The following MKLN1 variants were observed in gnomAD, a reference collection of about 807,000 sequenced individuals.
MKLN1 encodes muskelin 1.
Under a neutral mutation model 99.0 loss-of-function variants are expected in MKLN1, and 18 were observed. The observed-to-expected ratio is 0.18, with a 90% CI of 0.13 to 0.27. MKLN1 has a LOEUF of 0.27. Ranked by LOEUF, MKLN1 falls within the 10% of genes least tolerant of loss-of-function variation. The probability of loss-of-function intolerance (pLI) is 1.00; values close to 1 mark genes in which losing one functional copy is unlikely to be tolerated. For missense variants in MKLN1, 621 were observed against 875.9 expected, an observed-to-expected ratio of 0.71 and a Z score of 3.67; for synonymous variants, 288 against 293.2, an observed-to-expected ratio of 0.98 and a Z score of 0.18.
chr7:131,302,079 A>T (rs756750991), intron 3 of MKLN1, among the ~76,000 whole-genome samples: 5 of 152,248 alleles, frequency 3.3e-5, no homozygotes, highest in Non-Finnish European at 5.9e-5. Context: ...TGCTACAGGG[A>T]TAGCGTTCAT....
chr7:131,439,983 T>TA (rs1384583806), intron 10 of MKLN1, among the ~76,000 whole-genome samples: 1 of 151,904 alleles, frequency 6.6e-6, no homozygotes, highest in African/African-American at 2.4e-5. Context: ...CTTGTAAGTT[T>TA]AGCCAGAAAC....
chr7:131,262,131 GA>G (rs1563271000), intron 3 of MKLN1, among the ~76,000 whole-genome samples: 1 of 152,072 alleles, frequency 6.6e-6, no homozygotes, highest in East Asian at 1.9e-4. Context: ...CCTAAAAAAA[GA>G]TTTTTTTTTA....
intron 4 of MKLN1, among the ~76,000 whole-genome samples, chr7:131,397,010 A>G (rs1465816922): frequency 1.3e-5 from 2 of 152,164 alleles, no homozygotes; most frequent in African/African-American, 4.8e-5. Context: ...TTCTGGTGGC[A>G]TTTATTTGGG....
chr7:131,299,583 A>G (rs1222674815), intron 3 of MKLN1, among the ~76,000 whole-genome samples: 1 of 152,190 alleles, frequency 6.6e-6, no homozygotes, highest in Non-Finnish European at 1.5e-5. Context: ...CACTCATTTA[A>G]TTTTACATAA....
At chr7:131,396,358 C>G (rs975845096) in intron 4 of MKLN1, among the ~76,000 whole-genome samples, 1 of 152,204 alleles carries the variant, frequency 6.6e-6, no homozygotes, top group African/African-American at 2.4e-5. Flanking sequence ...CAGGCTTGAG[C>G]TACTGCTCCT....
At chr7:131,383,383 A>C (rs764975396) in intron 2 of MKLN1, among the ~76,000 whole-genome samples, 26 of 152,120 alleles carry the variant, frequency 1.7e-4, no homozygotes, top group Non-Finnish European at 3.4e-4. Context: ...AGCTTCTTTG[A>C]GGTTGAAAGC....
At chr7:131,400,810 C>A (rs974937660) in intron 6 of MKLN1, among the ~76,000 whole-genome samples, 3 of 152,008 alleles carry the variant, frequency 2.0e-5, no homozygotes, top group Non-Finnish European at 4.4e-5. Context: ...TCTACAGAGA[C>A]TTAACTTATC....
chr7:131,361,014 A>G (rs902014737), intron 1 of MKLN1, among the ~76,000 whole-genome samples: 5 of 152,026 alleles, frequency 3.3e-5, no homozygotes, highest in African/African-American at 9.7e-5. Context: ...GAGAAATCCA[A>G]TGTAATTCTT....
At chr7:131,247,711 C>T (rs964244093) in intron 3 of MKLN1, among the ~76,000 whole-genome samples, 2 of 152,142 alleles carry the variant, frequency 1.3e-5, no homozygotes, top group Non-Finnish European at 2.9e-5. Context: ...TCTGTTAGAA[C>T]CTTACAGCTG....
chr7:131,128,357 T>G (rs1395040067), intron 1 of MKLN1, among the ~76,000 whole-genome samples: 1 of 152,158 alleles, frequency 6.6e-6, no homozygotes, highest in Non-Finnish European at 1.5e-5. Context: ...GTGTAAGCAT[T>G]TTTTGACCTT....
chr7:131,149,411 GA>G (rs1349051523), intron 2 of MKLN1, among the ~76,000 whole-genome samples: 1 of 58,050 alleles, frequency 1.7e-5, no homozygotes, highest in Non-Finnish European at 3.9e-5. Flanking sequence ...GATGCCCATC[GA>G]GATGGTTCTG....
chr7:131,354,962 G>A (rs968815398), intron 1 of MKLN1, among the ~76,000 whole-genome samples: 2 of 151,092 alleles, frequency 1.3e-5, no homozygotes, highest in African/African-American at 4.9e-5. Flanking sequence ...AAATTTTTTG[G>A]TAGAGACAGG....
chr7:131,411,906 C>CAAAAATAAAAAA (rs1794889097), intron 7 of MKLN1, among the ~76,000 whole-genome samples: 1 of 53,092 alleles, frequency 1.9e-5, no homozygotes, highest in Non-Finnish European at 3.5e-5. Context: ...GATTCCATCT[C>CAAAAATAAAAAA]AAAAAAAAAA....
At chr7:131,128,584 A>C (rs190950412) in intron 1 of MKLN1, among the ~76,000 whole-genome samples, 5 of 152,332 alleles carry the variant, frequency 3.3e-5, no homozygotes, top group African/African-American at 1.2e-4. Flanking sequence ...TATGTAGATA[A>C]GGCAGTAGCA....
intron 2 of MKLN1, among the ~76,000 whole-genome samples, chr7:131,376,095 A>AAAATATATATAT (rs1337580479): frequency 9.3e-6 from 1 of 108,064 alleles, no homozygotes; most frequent in Non-Finnish European, 1.9e-5. Context: ...AATTCATGGA[A>AAAATATATATAT]ATATATATAT....
chr7:131,137,694 C>A (rs577692952), intron 1 of MKLN1, among the ~76,000 whole-genome samples: 3 of 150,518 alleles, frequency 2.0e-5, no homozygotes, highest in Non-Finnish European at 4.4e-5. Flanking sequence ...CCTGCCTCAG[C>A]CTCCCAAGTA....
intron 3 of MKLN1, among the ~76,000 whole-genome samples, chr7:131,231,269 G>A (rs1473118936): frequency 6.6e-6 from 1 of 152,074 alleles, no homozygotes; most frequent in African/African-American, 2.4e-5. Context: ...TGATACTTAG[G>A]AACTGAGTCT....
At chr7:131,305,689 CTTAT>C (rs1798454019) in intron 3 of MKLN1, among the ~76,000 whole-genome samples, 3 of 152,088 alleles carry the variant, frequency 2.0e-5, no homozygotes, top group African/African-American at 7.2e-5. Context: ...ATCTGGTGGA[CTTAT>C]TTGTTATATT....
At chr7:131,281,944 A>T (rs1339606736) in intron 3 of MKLN1, among the ~76,000 whole-genome samples, 1 of 151,644 alleles carries the variant, frequency 6.6e-6, no homozygotes. Context: ...GAGTGCTGGG[A>T]TTACAGCCAC....
Sources: gnomAD v4.1 joint callset for allele counts (sites outside exome capture counted in the v4.1 genomes callset) on GRCh38, gnomAD v4.1.1 for gene constraint, MANE v1.5 for transcripts, NCBI Gene and HGNC (gene_info 2026-07-23, HGNC 2026-07-21) for gene names.